The following SH3KBP1 variants were observed in gnomAD, a reference collection of about 807,000 sequenced individuals.
SH3KBP1 encodes the protein SH3 domain containing kinase binding protein 1.
SH3KBP1 carries 8 observed loss-of-function variants against 50.1 expected under a neutral mutation model. The observed-to-expected ratio is 0.16, with a 90% CI of 0.09 to 0.29. The LOEUF (loss-of-function observed/expected upper bound fraction) is 0.29, where lower values mean the gene tolerates loss of function less well. Among genes scored for constraint, SH3KBP1 ranks in the 10% least tolerant of loss-of-function variants. SH3KBP1 has a pLI of 1.00. For missense variants in SH3KBP1, 377 were observed against 535.2 expected (o/e 0.70, Z 2.92); for synonymous variants, 227 against 218.6 (o/e 1.04, Z -0.34).
intron 1 of SH3KBP1, among the ~76,000 whole-genome samples, chrX:19,840,818 A>G (rs945805951): frequency 8.9e-6 from 1 of 112,180 alleles, no homozygotes; most frequent in Non-Finnish European, 1.9e-5. Flanking sequence ...TCCCATATTT[A>G]AAGACACCAT....
chrX:19,618,402 A>C (rs1024433501), intron 8 of SH3KBP1, among the ~76,000 whole-genome samples: 2 of 107,371 alleles, frequency 1.9e-5, no homozygotes, highest in African/African-American at 6.8e-5. Context: ...AAAAAAAAAA[A>C]AAAAAAAACA....
rs759930955 is a variant in SH3KBP1, at chrX:19,692,607, A to G, written c.520+3005T>C. 4.2e-4 allele frequency among the ~76,000 whole-genome samples: 44 copies of G among 104,687 alleles called. No homozygotes were observed. The South Asian group carries it at 0.017, about 41-fold the overall frequency. The allele number at this position is 104,687 out of a possible 115,157, so 90.9% of individuals were successfully genotyped here. ...CATATATATACACACACATATACAT[A>G]TACACATATATACATACGTGTGTGT... On this transcript the variant is annotated intron_variant, in intron 5 of 17. Transcript: ENST00000397821.
chrX:19,846,944 A>G (rs891311268), intron 1 of SH3KBP1, among the ~76,000 whole-genome samples: 2 of 111,631 alleles, frequency 1.8e-5, no homozygotes, highest in African/African-American at 6.5e-5. Context: ...GACATGTTGT[A>G]TGAAAGAAGA....
intron 17 of SH3KBP1, among the ~76,000 whole-genome samples, chrX:19,536,889 C>T (rs2064725512): frequency 8.9e-6 from 1 of 111,925 alleles, no homozygotes; most frequent in Non-Finnish European, 1.9e-5. Flanking sequence ...TCCCCATCAC[C>T]ACAAGGGCGC....
intron 1 of SH3KBP1, among the ~76,000 whole-genome samples, chrX:19,839,760 C>T (rs1056684245): frequency 8.9e-6 from 1 of 112,221 alleles, no homozygotes; most frequent in African/African-American, 3.2e-5. Flanking sequence ...TGAGGCAATC[C>T]CAAGCTGTGT....
intron 1 of SH3KBP1, among the ~76,000 whole-genome samples, chrX:19,845,931 A>G (rs1201615780): frequency 8.9e-6 from 1 of 112,082 alleles, no homozygotes; most frequent in African/African-American, 3.2e-5. Context: ...TTTAGTTTTT[A>G]GAGCCTCCAA....
rs1368233575 is a variant in SH3KBP1, at chrX:19,542,165, G to C, written c.1652C>G (p.Pro551Arg). The C allele has an allele frequency of 1.7e-6, 2 of 1,185,804 alleles. No individual in the cohort carries two copies. Among genetic ancestry groups the C allele is most frequent in the Admixed American group, 4.7e-5 (2 of 42,962 alleles). ...ACCTGCTGCCATGGTCCCCGGCTTG[G>C]GCGGCAGGGATGCTTTGTTGTCAGA... ...QVSDNKASLPPKPGTMAAGGG... is the reference protein window; with the variant it reads ...QVSDNKASLPRKPGTMAAGGG... Residue 551 changes from proline (P) to arginine (R), a missense_variant, in exon 16 of 18, where the codon CCC becomes CGC. Coordinates refer to ENST00000397821, the MANE Select transcript of SH3KBP1 (RefSeq NM_031892.3).
At chrX:19,735,533 T>C (rs957515471) in intron 3 of SH3KBP1, among the ~76,000 whole-genome samples, 2 of 110,075 alleles carry the variant, frequency 1.8e-5, no homozygotes, top group African/African-American at 6.6e-5. Context: ...TTCAAAGTAT[T>C]TTAAAATTTC....
intron 2 of SH3KBP1, among the ~76,000 whole-genome samples, chrX:19,797,058 A>G (rs1219637036): frequency 8.9e-6 from 1 of 112,689 alleles, no homozygotes; most frequent in Non-Finnish European, 1.9e-5. Flanking sequence ...AGAGCTGGGG[A>G]TATGGTAGGG....
chrX:19,554,223 T>TATTAAAATATATTATA (rs2065390714), intron 13 of SH3KBP1, among the ~76,000 whole-genome samples: 2 of 77,229 alleles, frequency 2.6e-5, no homozygotes, highest in African/African-American at 1.2e-4. Context: ...ATATTATATA[T>TATTAAAATATATTATA]CATATTAAAA....
intron 6 of SH3KBP1, among the ~76,000 whole-genome samples, chrX:19,652,917 T>G (rs1353926600): frequency 2.7e-5 from 3 of 112,451 alleles, no homozygotes; most frequent in African/African-American, 9.7e-5. Context: ...CTCCTTCCTC[T>G]TTGATGCCAG....
At position 19,859,125 on chromosome X, in the gene SH3KBP1, A is replaced by C. The variant is rs1055579071; in HGVS notation, c.5-22843T>G. On this transcript the variant is annotated intron_variant, in intron 1 of 17. Transcript: ENST00000397821. ...AGAACTGCATAGAAAATATGAGAGC[A>C]CATCAAATGTTTGTTGTGAAATTAC... 2.7e-5 allele frequency among the ~76,000 whole-genome samples: 3 copies of C among 111,150 alleles called. No individual in the cohort carries two copies. The Admixed American group carries it at 2.9e-4, about 11-fold the overall frequency.
intron 7 of SH3KBP1, among the ~76,000 whole-genome samples, chrX:19,643,688 TA>T (rs1461240514): frequency 8.9e-6 from 1 of 111,820 alleles, no homozygotes; most frequent in Admixed American, 9.5e-5. Flanking sequence ...ACCTTTCTCA[TA>T]TTCCTACTGA....
At chrX:19,565,051 A>ATTTTTTTTT (rs59323105) in intron 13 of SH3KBP1, among the ~76,000 whole-genome samples, 3 of 66,530 alleles carry the variant, frequency 4.5e-5, no homozygotes, top group African/African-American at 2.3e-4. Flanking sequence ...TTCAACTCCA[A>ATTTTTTTTT]TTTTTTTTTT....
intron 2 of SH3KBP1, among the ~76,000 whole-genome samples, chrX:19,756,544 T>A (rs2065215958): frequency 9.0e-6 from 1 of 111,519 alleles, no homozygotes; most frequent in Admixed American, 9.6e-5. Context: ...ACTTTCTAAG[T>A]AGAGTATAAA....
At chrX:19,786,031 A>T (rs1221307190) in intron 2 of SH3KBP1, among the ~76,000 whole-genome samples, 1 of 112,147 alleles carries the variant, frequency 8.9e-6, no homozygotes, top group Non-Finnish European at 1.9e-5. Context: ...ACTTAGTGCT[A>T]TTTGAACCAT....
At chrX:19,752,741 C>T (rs764190090) in intron 2 of SH3KBP1, among the ~76,000 whole-genome samples, 79 of 112,615 alleles carry the variant, frequency 7.0e-4, no homozygotes, top group African/African-American at 2.3e-3. Flanking sequence ...AGCACAAATG[C>T]TTAAACTGAA....
chrX:19,624,980 TCC>T (rs2067967942), intron 8 of SH3KBP1, among the ~76,000 whole-genome samples: 1 of 112,057 alleles, frequency 8.9e-6, no homozygotes, highest in Admixed American at 9.5e-5. Context: ...GCTAATTTAC[TCC>T]TCACCCTTGG....
At chrX:19,700,119 A>T (rs1019901714) in intron 4 of SH3KBP1, among the ~76,000 whole-genome samples, 2 of 111,575 alleles carry the variant, frequency 1.8e-5, no homozygotes, top group African/African-American at 6.5e-5. Context: ...ACCCAGACAA[A>T]CGAAGTCAGC....
Sources: gnomAD v4.1 joint callset for allele counts (sites outside exome capture counted in the v4.1 genomes callset) on GRCh38, gnomAD v4.1.1 for gene constraint, MANE v1.5 for transcripts, NCBI Gene and HGNC (gene_info 2026-07-23, HGNC 2026-07-21) for gene names.